TNFSF11: variants seen among roughly 807,000 people sequenced by gnomAD.
TNFSF11 encodes the protein tumor necrosis factor ligand superfamily member 11.
TNFSF11 carries 12 observed loss-of-function variants against 32.2 expected under a neutral mutation model. The ratio of observed to expected loss-of-function variants is 0.37; its 90% CI spans 0.24 to 0.60. The LOEUF is 0.60. Among genes scored for constraint, TNFSF11 ranks in the 20% least tolerant of loss-of-function variants. The pLI is 0.66. For missense variants in TNFSF11, 345 were observed against 398.0 expected, an observed-to-expected ratio of 0.87 and a Z score of 1.13; for synonymous variants, 172 against 152.1, an observed-to-expected ratio of 1.13 and a Z score of -0.96.
At chr13:42,583,948 A>G (rs1375517484) in intron 2 of TNFSF11, among the ~76,000 whole-genome samples, 3 of 152,210 alleles carry the variant, frequency 2.0e-5, no homozygotes, top group Admixed American at 2.0e-4. Flanking sequence ...GATAAAATAA[A>G]TCAGTTTGTA....
intron 2 of TNFSF11, among the ~76,000 whole-genome samples, chr13:42,585,945 C>T (rs1873875160): frequency 6.6e-6 from 1 of 152,204 alleles, no homozygotes; most frequent in African/African-American, 2.4e-5. Flanking sequence ...GCACAAATCA[C>T]ATTCTTCTCC....
rs190053441 is a variant in TNFSF11 at position 42,574,538 on chromosome 13, C to T, written c.219+16C>T. Reference sequence around the variant, plus strand: ...CAGAGCGCAGGTGAGTGGCCACCTTCCCAGGGGATCGCGGCTGAGAGCGCC... The same window carrying T: ...CAGAGCGCAGGTGAGTGGCCACCTTTCCAGGGGATCGCGGCTGAGAGCGCC... On this transcript the variant is annotated intron_variant, in intron 1 of 4. Transcript: ENST00000398795. The T allele has an allele frequency of 5.4e-4, 865 of 1,603,590 alleles. 5 individuals carry two copies. The African/African-American group carries it at 9.9e-3, about 18-fold the overall frequency.
At chr13:42,585,424 A>G (rs1200247052) in intron 2 of TNFSF11, among the ~76,000 whole-genome samples, 1 of 152,316 alleles carries the variant, frequency 6.6e-6, no homozygotes, top group East Asian at 1.9e-4. Flanking sequence ...TTGGTCAGAC[A>G]TGTAATGCTG....
At chr13:42,591,036 G>T (rs1019139346) in intron 2 of TNFSF11, among the ~76,000 whole-genome samples, 1 of 152,140 alleles carries the variant, frequency 6.6e-6, no homozygotes, top group Non-Finnish European at 1.5e-5. Flanking sequence ...TTGGGGTTTG[G>T]GGAGGAGGCC....
intron 2 of TNFSF11, among the ~76,000 whole-genome samples, chr13:42,589,338 C>T (rs1874051038): frequency 1.3e-5 from 2 of 152,160 alleles, no homozygotes; most frequent in Admixed American, 1.3e-4. Flanking sequence ...ACTGTGTGGT[C>T]ACATGAACAG....
rs1566387265 is a variant in TNFSF11 at position 42,599,342 on chromosome 13, T to TCC, written c.388-1410_388-1409insCC. ...CTATCTATCTATCTATCTATCTATC[T>TCC]ATCTATCATCTATCTATCTATCTAT... On this transcript the variant is annotated intron_variant, in intron 2 of 4. Coordinates refer to ENST00000398795, the MANE Select transcript of TNFSF11 (RefSeq NM_003701.4). 1.3e-4 allele frequency among the ~76,000 whole-genome samples: 10 copies of TCC among 79,854 alleles called. No homozygotes were observed. In the East Asian group the frequency reaches 2.7e-3, roughly 22 times the overall value. 52.4% of individuals were successfully genotyped at this position (79,854 alleles called of 152,430 possible).
At position 42,574,966 on chromosome 13, in the gene TNFSF11, C is replaced by T. The variant is rs185101678; in HGVS notation, c.219+444C>T. ...TCTACCTTTCCCTTCCCGCCCACCA[C>T]CCGGCGGGTTTCGGTTCCTGCGCCT... On this transcript the variant is annotated intron_variant, in intron 1 of 4. Transcript: ENST00000398795. 9.2e-5 allele frequency among the ~76,000 whole-genome samples: 14 copies of T among 152,392 alleles called. No individual in the cohort carries two copies. The Middle Eastern group carries it at 0.014, about 148-fold the overall frequency.
intron 2 of TNFSF11, among the ~76,000 whole-genome samples, chr13:42,599,062 T>C (rs3742257): frequency 0.5 from 76,422 of 151,934 alleles, 19,460 homozygotes; most frequent in Middle Eastern, 0.64. Context: ...TGTAGTGCCC[T>C]GGGTCTAGGC....
At position 42,581,221 on chromosome 13, in the gene TNFSF11, G is replaced by C; in HGVS notation, c.315G>C (p.Glu105Asp). The change falls in exon 2 of 5, where the codon GAG becomes GAC. Residue 105 changes from glutamate (E) to aspartate (D), a missense_variant. Glu to Asp is a conservative substitution (Grantham distance 45). Coordinates refer to ENST00000398795, the MANE Select transcript of TNFSF11 (RefSeq NM_003701.4). The stretch of plus-strand genomic sequence containing the variant: ...CAGATTTTCAAGACACAACTCTGGA[G>C]AGTCAAGATACAAAATTAATACCTG... ...ENADFQDTTLESQDTKLIPDS... is the reference protein window; with the variant it reads ...ENADFQDTTLDSQDTKLIPDS... The C allele has an allele frequency of 6.2e-7, 1 of 1,614,054 alleles. No homozygotes were observed. The highest frequency in any genetic ancestry group is 8.5e-7 in the Non-Finnish European group (1 of 1,179,978).
At chr13:42,586,659 T>C (rs571622829) in intron 2 of TNFSF11, among the ~76,000 whole-genome samples, 21 of 152,312 alleles carry the variant, frequency 1.4e-4, no homozygotes, top group African/African-American at 5.1e-4. Flanking sequence ...ACTCTCTAAC[T>C]TCCCTCCAAA....
intron 2 of TNFSF11, among the ~76,000 whole-genome samples, chr13:42,590,715 A>G (rs1874127588): frequency 6.6e-6 from 1 of 152,240 alleles, no homozygotes; most frequent in Non-Finnish European, 1.5e-5. Flanking sequence ...ATAGTATAAG[A>G]CATTTGAAAA....
chr13:42,588,039 T>C (rs985626715), intron 2 of TNFSF11, among the ~76,000 whole-genome samples: 1 of 152,248 alleles, frequency 6.6e-6, no homozygotes, highest in Non-Finnish European at 1.5e-5. Context: ...ACAAGGGTAC[T>C]TGGTTTTTGG....
chr13:42,568,938 G>C (rs141291202), intron 2 of TNFSF11, among the ~76,000 whole-genome samples: 20 of 152,278 alleles, frequency 1.3e-4, no homozygotes, highest in African/African-American at 3.6e-4. Flanking sequence ...GGTCCTGGCA[G>C]GAAATAGGTG....
upstream of TNFSF11, among the ~76,000 whole-genome samples, chr13:42,573,824 G>T (rs1478031918): frequency 6.6e-6 from 1 of 152,144 alleles, no homozygotes; most frequent in African/African-American, 2.4e-5. Flanking sequence ...AAACTAGAAT[G>T]GATGCAGGAG....
intron 1 of TNFSF11, among the ~76,000 whole-genome samples, chr13:42,580,057 A>G (rs1336420087): frequency 6.6e-6 from 1 of 152,202 alleles, no homozygotes; most frequent in Non-Finnish European, 1.5e-5. Flanking sequence ...GAGACTTGTC[A>G]TTAATTTGAC....
chr13:42,585,903 TA>T (rs1873872159), intron 2 of TNFSF11, among the ~76,000 whole-genome samples: 1 of 152,170 alleles, frequency 6.6e-6, no homozygotes, highest in African/African-American at 2.4e-5. Flanking sequence ...TTTGAAAGAA[TA>T]ATGTGCAGGA....
intron 2 of TNFSF11, among the ~76,000 whole-genome samples, chr13:42,586,177 G>A (rs1284030927): frequency 6.6e-6 from 1 of 152,196 alleles, no homozygotes; most frequent in Non-Finnish European, 1.5e-5. Context: ...GAGCTGCACA[G>A]TCAGCCATTT....
At chr13:42,595,209 A>C (rs912785756) in intron 2 of TNFSF11, among the ~76,000 whole-genome samples, 39 of 152,178 alleles carry the variant, frequency 2.6e-4, no homozygotes, top group Middle Eastern at 3.2e-3. Flanking sequence ...TTATCCTTGA[A>C]TGGGCAGAGA....
At chr13:42,588,037 A>G (rs1388037690) in intron 2 of TNFSF11, among the ~76,000 whole-genome samples, 3 of 152,224 alleles carry the variant, frequency 2.0e-5, no homozygotes, top group Non-Finnish European at 2.9e-5. Context: ...CCACAAGGGT[A>G]CTTGGTTTTT....
Sources: allele counts gnomAD v4.1 joint callset (sites outside exome capture counted in the v4.1 genomes callset), GRCh38; gene constraint gnomAD v4.1.1; transcripts MANE v1.5; gene names NCBI Gene and HGNC (gene_info 2026-07-23, HGNC 2026-07-21).